The following ROBO1 variants were observed in gnomAD, a reference collection of about 807,000 sequenced individuals.
ROBO1 encodes roundabout homolog 1.
In ROBO1, 149 loss-of-function variants were observed where a neutral mutation model predicts 195.9. The ratio of observed to expected loss-of-function variants is 0.76; its 90% CI spans 0.67 to 0.87. The LOEUF is 0.87. ROBO1 is among the 40% of genes least tolerant of loss of function. The pLI is 0.00. For missense variants in ROBO1, 1,933 were observed against 2,068.3 expected, an observed-to-expected ratio of 0.93 and a Z score of 1.27; for synonymous variants, 816 against 733.2, an observed-to-expected ratio of 1.11 and a Z score of -1.82.
intron 2 of ROBO1, among the ~76,000 whole-genome samples, chr3:79,490,307 A>G (rs2107444271): frequency 6.6e-6 from 1 of 152,228 alleles, no homozygotes; most frequent in East Asian, 1.9e-4. Flanking sequence ...TGTCATCCCC[A>G]TGGACTCAGC....
intron 4 of ROBO1, among the ~76,000 whole-genome samples, chr3:78,760,593 T>C (rs1348197278): frequency 6.6e-6 from 1 of 152,166 alleles, no homozygotes; most frequent in East Asian, 1.9e-4. Context: ...TGAACAGAAT[T>C]TTGGGTACAT....
intron 8 of ROBO1, among the ~76,000 whole-genome samples, chr3:78,707,613 A>C (rs1389457948): frequency 6.6e-6 from 1 of 152,216 alleles, no homozygotes; most frequent in Non-Finnish European, 1.5e-5. Flanking sequence ...AGAGAAGAAA[A>C]ATGGACAAGC....
In ROBO1 at chr3:79,752,318, A is replaced by C. The variant is rs143522107; in HGVS notation, c.-51+15434T>G. Among the ~76,000 whole-genome samples, 97 of 152,298 alleles carry C rather than the reference A, an allele frequency of 6.4e-4. No homozygotes were observed. In the East Asian group the frequency reaches 0.016, roughly 25 times the overall value. ...CATTACTTTATACATTTATTCACTC[A>C]ACACATAATTTTTTAATAAAACCTA... On this transcript the variant is annotated intron_variant, in intron 1 of 30. Coordinates refer to ENST00000464233, the MANE Select transcript of ROBO1 (RefSeq NM_002941.4).
In ROBO1 at chr3:79,545,631, G is replaced by A. The variant is rs548677479; in HGVS notation, c.88+44193C>T. ...TGATAATTATTTTTAAAAATATTTA[G>A]TAAATTCACAGATAAAGAGTGGAGA... On this transcript the variant is annotated intron_variant, in intron 2 of 30. Transcript: ENST00000464233. Among the ~76,000 whole-genome samples the A allele has an allele frequency of 2.0e-5, 3 of 152,206 alleles. No homozygotes were observed. In the East Asian group the frequency reaches 5.8e-4, roughly 29 times the overall value.
chr3:78,781,533 C>A (rs1042870327), intron 4 of ROBO1, among the ~76,000 whole-genome samples: 1 of 152,144 alleles, frequency 6.6e-6, no homozygotes, highest in Non-Finnish European at 1.5e-5. Context: ...TTCCTCTAAT[C>A]CCTTTAAGTG....
chr3:79,659,481 T>C (rs1946266488), intron 1 of ROBO1, among the ~76,000 whole-genome samples: 1 of 152,020 alleles, frequency 6.6e-6, no homozygotes, highest in South Asian at 2.1e-4. Flanking sequence ...GTCTGATAAT[T>C]TTCAGTAGCC....
chr3:78,866,230 G>A (rs2035169054), intron 4 of ROBO1, among the ~76,000 whole-genome samples: 1 of 152,176 alleles, frequency 6.6e-6, no homozygotes, highest in Non-Finnish European at 1.5e-5. Flanking sequence ...AATTATTATA[G>A]ATGAATAACA....
intron 2 of ROBO1, among the ~76,000 whole-genome samples, chr3:79,308,505 T>C (rs770170239): frequency 1.3e-5 from 2 of 152,188 alleles, no homozygotes; most frequent in Non-Finnish European, 2.9e-5. Context: ...ATACCTATGA[T>C]GTGCTTAGTA....
chr3:79,428,604 A>G (rs1297694736), intron 2 of ROBO1, among the ~76,000 whole-genome samples: 2 of 152,162 alleles, frequency 1.3e-5, no homozygotes, highest in Non-Finnish European at 2.9e-5. Flanking sequence ...ATTTGTTATC[A>G]TAGACTCAGC....
intron 2 of ROBO1, among the ~76,000 whole-genome samples, chr3:79,126,632 C>T (rs1461936132): frequency 6.6e-6 from 1 of 152,158 alleles, no homozygotes; most frequent in Non-Finnish European, 1.5e-5. Flanking sequence ...TGATGTTCTG[C>T]GGGCTTTCAA....
At chr3:79,663,009 A>T (rs1024544036) in intron 1 of ROBO1, among the ~76,000 whole-genome samples, 6 of 152,066 alleles carry the variant, frequency 3.9e-5, no homozygotes, top group African/African-American at 1.4e-4. Flanking sequence ...ATCACATATA[A>T]ATTTGATGTT....
intron 2 of ROBO1, among the ~76,000 whole-genome samples, chr3:79,348,039 C>T (rs1037761759): frequency 6.6e-5 from 10 of 152,008 alleles, no homozygotes; most frequent in East Asian, 3.9e-4. Flanking sequence ...TGGTGAAACC[C>T]GTCTCTACCA....
intron 4 of ROBO1, among the ~76,000 whole-genome samples, chr3:78,902,213 G>A (rs955352924): frequency 1.3e-5 from 2 of 152,090 alleles, no homozygotes; most frequent in African/African-American, 4.8e-5. Flanking sequence ...ATAAATGTAA[G>A]AAAATATATG....
chr3:78,639,980 A>C, intron 21 of ROBO1, 82 bp from the exon 22 acceptor site: 1 of 1,138,772 alleles, frequency 8.8e-7, no homozygotes, highest in Non-Finnish European at 1.2e-6. Context: ...TAAATTCCTC[A>C]TCTTGTTATG....
At chr3:78,904,614 C>T (rs554175060) in intron 4 of ROBO1, among the ~76,000 whole-genome samples, 7 of 150,262 alleles carry the variant, frequency 4.7e-5, no homozygotes, top group Non-Finnish European at 7.4e-5. Flanking sequence ...TTGGAGTGAA[C>T]GAAAAAATGG....
chr3:79,465,815 T>C (rs1287494967), intron 2 of ROBO1, among the ~76,000 whole-genome samples: 1 of 152,138 alleles, frequency 6.6e-6, no homozygotes, highest in African/African-American at 2.4e-5. Flanking sequence ...TGTTTCTTAA[T>C]GGAATGGAAG....
intron 4 of ROBO1, among the ~76,000 whole-genome samples, chr3:78,829,672 G>C (rs1167352938): frequency 6.6e-6 from 1 of 152,118 alleles, no homozygotes; most frequent in Non-Finnish European, 1.5e-5. Flanking sequence ...TGGGCCCTGA[G>C]ATTTGTGCCT....
chr3:79,355,031 T>C (rs1053395655), intron 2 of ROBO1, among the ~76,000 whole-genome samples: 1 of 152,082 alleles, frequency 6.6e-6, no homozygotes, highest in Non-Finnish European at 1.5e-5. Flanking sequence ...CTGGGCATGG[T>C]GGCGGGCGCC....
intron 14 of ROBO1, 97 bp from the exon 15 acceptor site, chr3:78,662,211 A>T: frequency 9.4e-7 from 1 of 1,063,990 alleles, no homozygotes; most frequent in Non-Finnish European, 1.3e-6. Flanking sequence ...AGCAACTCTC[A>T]GTAAAGAAGA....
Sources: gnomAD v4.1 joint callset for allele counts (sites outside exome capture counted in the v4.1 genomes callset) on GRCh38, gnomAD v4.1.1 for gene constraint, MANE v1.5 for transcripts, NCBI Gene and HGNC (gene_info 2026-07-23, HGNC 2026-07-21) for gene names.